The following TNIP3 variants were observed in gnomAD, a reference collection of about 807,000 sequenced individuals.
TNIP3 encodes the protein TNFAIP3 interacting protein 3.
In TNIP3, 34 loss-of-function variants were observed where a neutral mutation model predicts 54.1. The observed-to-expected ratio is 0.63, with a 90% CI of 0.48 to 0.84. TNIP3 has a LOEUF of 0.84. TNIP3 is among the 40% of genes least tolerant of loss of function. The pLI is 0.00. For synonymous variants in TNIP3, 134 were observed against 136.8 expected (o/e 0.98, Z 0.14); for missense variants, 366 against 387.6 (o/e 0.94, Z 0.47).
At chr4:121,224,620 T>C (rs1727182739) in intron 1 of TNIP3, among the ~76,000 whole-genome samples, 1 of 152,218 alleles carries the variant, frequency 6.6e-6, no homozygotes. Context: ...TAGGCAGGTT[T>C]TAATTTGTCT....
rs1277441435 is a variant in TNIP3, at chr4:121,147,131, C to T, written c.653G>A (p.Arg218Gln). The T allele has an allele frequency of 3.7e-6, 6 of 1,613,030 alleles. No homozygotes were observed. The highest frequency in any genetic ancestry group is 5.1e-6 in the Non-Finnish European group (6 of 1,179,484). The part of the protein sequence containing the change: ...EEDFKKERSD[R>Q]ERLNQEKEEL... Reference sequence around the variant, plus strand: ...CTCTTTCTCTTGATTAAGTCTCTCTCGATCCGATCGTTCCTTTTTGAAGTC... The same window carrying T: ...CTCTTTCTCTTGATTAAGTCTCTCTTGATCCGATCGTTCCTTTTTGAAGTC... Residue 218 changes from arginine (R) to glutamine (Q), a missense_variant, in exon 7 of 11, where the codon CGA (arginine) becomes CAA (glutamine). Physicochemically the swap from Arg to Gln is conservative, Grantham distance 43. Coordinates refer to ENST00000057513, the MANE Select transcript of TNIP3 (RefSeq NM_024873.6).
intron 5 of TNIP3, among the ~76,000 whole-genome samples, chr4:121,153,793 C>G (rs866612116): frequency 1.3e-5 from 2 of 152,172 alleles, no homozygotes; most frequent in African/African-American, 4.8e-5. Flanking sequence ...GTCCAATCAC[C>G]TACTCTTGTT....
chr4:121,219,817 G>A (rs188738916), upstream of TNIP3, among the ~76,000 whole-genome samples: 76 of 152,268 alleles, frequency 5.0e-4, no homozygotes, highest in African/African-American at 1.7e-3. Context: ...AAAACTTAAG[G>A]TAGAAAGGAC....
intron 1 of TNIP3, among the ~76,000 whole-genome samples, chr4:121,222,701 A>T (rs1727077847): frequency 6.6e-6 from 1 of 151,026 alleles, no homozygotes; most frequent in Admixed American, 6.6e-5. Context: ...AGAGAAAGCG[A>T]TTTTTATGGG....
intron 1 of TNIP3, among the ~76,000 whole-genome samples, chr4:121,222,430 G>A (rs1479186149): frequency 6.6e-6 from 1 of 152,104 alleles, no homozygotes; most frequent in Admixed American, 6.5e-5. Context: ...TGTCTCTCAC[G>A]TTTAACAGAC....
At chr4:121,178,402 G>A (rs1579447250) in intron 3 of TNIP3, among the ~76,000 whole-genome samples, 2 of 152,332 alleles carry the variant, frequency 1.3e-5, no homozygotes, top group East Asian at 1.9e-4. Flanking sequence ...CACTGGAATT[G>A]CAAGCTAAAG....
intron 2 of TNIP3, among the ~76,000 whole-genome samples, chr4:121,200,533 C>A (rs539395294): frequency 1.6e-4 from 25 of 152,174 alleles, no homozygotes; most frequent in Non-Finnish European, 2.4e-4. Context: ...TAGAGACCCC[C>A]GAGCACACAT....
intron 2 of TNIP3, among the ~76,000 whole-genome samples, chr4:121,211,838 T>G (rs186070730): frequency 6.6e-6 from 1 of 152,176 alleles, no homozygotes; most frequent in Admixed American, 6.5e-5. Flanking sequence ...GATTTAAAAT[T>G]CATTCAGCTG....
chr4:121,186,132 G>A (rs1725005603), intron 2 of TNIP3, among the ~76,000 whole-genome samples: 1 of 152,218 alleles, frequency 6.6e-6, no homozygotes, highest in Admixed American at 6.5e-5. Context: ...CAGTGAGACT[G>A]AGCGTGGTGA....
intron 10 of TNIP3, among the ~76,000 whole-genome samples, chr4:121,138,301 T>C (rs1412531581): frequency 6.6e-6 from 1 of 152,228 alleles, no homozygotes; most frequent in Non-Finnish European, 1.5e-5. Context: ...CTGTGCTTTG[T>C]AGTACAATTG....
intron 3 of TNIP3, among the ~76,000 whole-genome samples, chr4:121,182,117 T>A (rs1315520870): frequency 6.6e-6 from 1 of 152,140 alleles, no homozygotes; most frequent in East Asian, 1.9e-4. Context: ...CATGTTGTCA[T>A]AGGATGCATG....
intron 3 of TNIP3, among the ~76,000 whole-genome samples, chr4:121,169,687 T>A (rs542414690): frequency 6.6e-6 from 1 of 152,174 alleles, no homozygotes; most frequent in Admixed American, 6.5e-5. Flanking sequence ...TTAAATGGGA[T>A]CTAAAGATCA....
chr4:121,213,555 T>C (rs1406444543), intron 2 of TNIP3, among the ~76,000 whole-genome samples: 2 of 151,700 alleles, frequency 1.3e-5, no homozygotes, highest in Non-Finnish European at 2.9e-5. Context: ...TGAAACACCA[T>C]CTCTACTAAA....
chr4:121,200,719 T>A (rs1725838062), intron 2 of TNIP3, among the ~76,000 whole-genome samples: 1 of 152,212 alleles, frequency 6.6e-6, no homozygotes, highest in African/African-American at 2.4e-5. Context: ...TACCTTTTTT[T>A]CAACAGATTC....
intron 10 of TNIP3, among the ~76,000 whole-genome samples, chr4:121,133,608 A>G (rs1445429566): frequency 6.6e-6 from 1 of 152,236 alleles, no homozygotes; most frequent in Non-Finnish European, 1.5e-5. Flanking sequence ...AAACAGGCAT[A>G]GAATTAAAGA....
chr4:121,136,255 G>A (rs1334238234), intron 10 of TNIP3, among the ~76,000 whole-genome samples: 3 of 152,044 alleles, frequency 2.0e-5, no homozygotes, highest in Non-Finnish European at 4.4e-5. Context: ...GATTATTGAG[G>A]GTTAAATGCT....
intron 2 of TNIP3, among the ~76,000 whole-genome samples, chr4:121,159,561 A>G (rs191990298): frequency 4.3e-4 from 66 of 152,370 alleles, no homozygotes; most frequent in Non-Finnish European, 5.1e-4. Context: ...CCTAGGCTCC[A>G]TTAACTGATC....
At chr4:121,186,185 T>C (rs1579460198) in intron 2 of TNIP3, among the ~76,000 whole-genome samples, 4 of 152,184 alleles carry the variant, frequency 2.6e-5, no homozygotes, top group South Asian at 4.2e-4. Context: ...AGAGGAGAAG[T>C]GGCAGCAAAG....
intron 5 of TNIP3, among the ~76,000 whole-genome samples, chr4:121,153,190 TTAAA>T (rs1458879584): frequency 6.6e-6 from 1 of 152,172 alleles, no homozygotes. Context: ...TGTAGAATTA[TTAAA>T]TTATATAATC....
Sources: allele counts gnomAD v4.1 joint callset (sites outside exome capture counted in the v4.1 genomes callset), GRCh38; gene constraint gnomAD v4.1.1; transcripts MANE v1.5; gene names NCBI Gene and HGNC (gene_info 2026-07-23, HGNC 2026-07-21).